The following FCER1A variants were observed in gnomAD, a reference collection of about 807,000 sequenced individuals.
The protein encoded by FCER1A is Fc epsilon receptor Ia.
A neutral mutation model predicts 23.6 loss-of-function variants in FCER1A; 24 were observed. That is an observed-to-expected ratio of 1.02 (90% confidence interval 0.74 to 1.43). FCER1A has a LOEUF of 1.43. Ranked by LOEUF, FCER1A falls within the 40% of genes most tolerant of loss-of-function variation. The probability of loss-of-function intolerance (pLI) is 0.00; values close to 1 mark genes in which losing one functional copy is unlikely to be tolerated. For missense variants in FCER1A, 318 were observed against 294.5 expected, an observed-to-expected ratio of 1.08 and a Z score of -0.58; for synonymous variants, 121 against 108.8, an observed-to-expected ratio of 1.11 and a Z score of -0.70.
rs1427834534 is a variant in FCER1A, at chr1:159,303,942, A to G, written c.91A>G (p.Lys31Glu). The part of the protein sequence containing the change: ...DGVLAVPQKP[K>E]VSLNPPWNRI... ...TCTTCTTGAAGTCCCTCAGAAACCT[A>G]AGGTCTCCTTGAACCCTCCATGGAA... Residue 31 changes from lysine (K) to glutamate (E), a missense_variant, in exon 3 of 5, where the codon AAG (lysine) becomes GAG (glutamate). Transcript: ENST00000693622. 6.2e-7 allele frequency: 1 copy of G among 1,611,992 alleles called. No homozygotes were observed. The highest frequency in any genetic ancestry group is 2.2e-5 in the East Asian group (1 of 44,858).
chr1:159,291,806 C>CA (rs1652159930), intron 1 of FCER1A, among the ~76,000 whole-genome samples: 1 of 152,102 alleles, frequency 6.6e-6, no homozygotes. Flanking sequence ...TTCCTATTCA[C>CA]TTTTTTAGCC....
chr1:159,302,789 A>C (rs1652474514), intron 1 of FCER1A, 65 bp from the exon 2 acceptor site: 1 of 1,462,900 alleles, frequency 6.8e-7, no homozygotes, highest in Non-Finnish European at 9.6e-7. Context: ...CCACACCCAG[A>C]TTCTAGTCCT....
chr1:159,288,178 C>T (rs141259234), upstream of FCER1A, among the ~76,000 whole-genome samples: 5 of 152,264 alleles, frequency 3.3e-5, no homozygotes, highest in African/African-American at 1.2e-4. Context: ...TGGTCTGGTA[C>T]ACTTACTGTT....
At chr1:159,298,280 C>G (rs533084764), upstream of FCER1A, among the ~76,000 whole-genome samples, 42 of 152,140 alleles carry the variant, frequency 2.8e-4, no homozygotes, top group South Asian at 1.2e-3. Flanking sequence ...GTTTTCTCCC[C>G]TCCAAATCTC....
upstream of FCER1A, among the ~76,000 whole-genome samples, chr1:159,299,147 G>A (rs1255313638): frequency 2.0e-5 from 3 of 152,186 alleles, no homozygotes; most frequent in Non-Finnish European, 4.4e-5. Context: ...AAAATAGATA[G>A]GACATGTTGC....
intron 1 of FCER1A, among the ~76,000 whole-genome samples, chr1:159,290,715 A>G (rs1258001063): frequency 6.6e-6 from 1 of 152,202 alleles, no homozygotes; most frequent in Non-Finnish European, 1.5e-5. Context: ...AGTATTAAAT[A>G]GGATAAAGCA....
Position 159,306,135 on chromosome 1 carries a change from A to G in FCER1A, c.479A>G (p.Asn160Ser). Reference protein sequence around the residue: ...EALKYWYENHNISITNATVED... With the variant: ...EALKYWYENHSISITNATVED... ...CTCAAGTACTGGTATGAGAACCACAACATCTCCATTACAAATGCCACAGTT... is the reference window on the plus strand; with the variant it reads ...CTCAAGTACTGGTATGAGAACCACAGCATCTCCATTACAAATGCCACAGTT... The change falls in exon 4 of 5, where the codon AAC becomes AGC. Residue 160 changes from asparagine (N) to serine (S), a missense_variant. Physicochemically the swap from Asn to Ser is conservative, Grantham distance 46. Transcript: ENST00000693622. The G allele has an allele frequency of 6.2e-7, 1 of 1,614,170 alleles. No individual in the cohort carries two copies.
intron 1 of FCER1A, 32 bp downstream of exon 1, chr1:159,302,451 A>C: frequency 1.3e-6 from 2 of 1,498,680 alleles, no homozygotes; most frequent in Non-Finnish European, 9.3e-7. Flanking sequence ...CCTCCCAGGG[A>C]GGCCCAAATG....
upstream of FCER1A, among the ~76,000 whole-genome samples, chr1:159,299,222 A>G (rs571573601): frequency 6.6e-6 from 1 of 152,320 alleles, no homozygotes; most frequent in South Asian, 2.1e-4. Flanking sequence ...AAATATCACG[A>G]GCAGACAGGC....
chr1:159,302,716 C>T lies in FCER1A; in HGVS notation c.56-138C>T, dbSNP rs1208516295. ...GAGGAGAGAAAGAAGCTCTTTCTTC[C>T]CCTGATTCTGATTCCTGAAAAGACG... On this transcript the variant is annotated intron_variant, in intron 1 of 4. Coordinates refer to ENST00000693622, the MANE Select transcript of FCER1A (RefSeq NM_001387280.1). 2.6e-5 allele frequency: 21 copies of T among 815,608 alleles called. No homozygotes were observed. The East Asian group carries it at 4.9e-4, about 19-fold the overall frequency. 50.5% of individuals were successfully genotyped at this position (815,608 alleles called of 1,614,324 possible).
chr1:159,296,516 A>G (rs752713875), intron 1 of FCER1A, among the ~76,000 whole-genome samples: 2 of 152,206 alleles, frequency 1.3e-5, no homozygotes, highest in Non-Finnish European at 2.9e-5. Flanking sequence ...AGCCAAGGAT[A>G]ATCTTTCCTC....
At chr1:159,303,154 A>G (rs940814014) in intron 2 of FCER1A, among the ~76,000 whole-genome samples, 5 of 152,124 alleles carry the variant, frequency 3.3e-5, no homozygotes, top group Non-Finnish European at 4.4e-5. Context: ...ATCTCGCTCA[A>G]TAATTACATT....
upstream of FCER1A, among the ~76,000 whole-genome samples, chr1:159,298,348 A>T (rs563749465): frequency 6.6e-6 from 1 of 152,184 alleles, no homozygotes; most frequent in Non-Finnish European, 1.5e-5. Flanking sequence ...TGTTTGGGTC[A>T]TGGAGGCAGA....
intron 4 of FCER1A, among the ~76,000 whole-genome samples, chr1:159,307,353 A>T (rs1291165346): frequency 6.6e-6 from 1 of 152,236 alleles, no homozygotes; most frequent in East Asian, 1.9e-4. Context: ...TTTGCCTAAC[A>T]GGCATGTAAG....
chr1:159,286,549 G>A (rs981035068), upstream of FCER1A, among the ~76,000 whole-genome samples: 1 of 152,080 alleles, frequency 6.6e-6, no homozygotes, highest in Non-Finnish European at 1.5e-5. Context: ...AGCCAGGATG[G>A]TCTCGATCTC....
intron 3 of FCER1A, among the ~76,000 whole-genome samples, chr1:159,304,555 T>G (rs1652542085): frequency 6.6e-6 from 1 of 152,076 alleles, no homozygotes; most frequent in African/African-American, 2.4e-5. Context: ...TGCAGTGAGC[T>G]GAGATCACGC....
chr1:159,297,173 C>T (rs1050500393), intron 1 of FCER1A, among the ~76,000 whole-genome samples: 2 of 152,136 alleles, frequency 1.3e-5, no homozygotes, highest in Admixed American at 1.3e-4. Flanking sequence ...ATGGGGATTT[C>T]TCTGTCTCGT....
chr1:159,286,004 G>A (rs2494263), upstream of FCER1A, among the ~76,000 whole-genome samples: 119,520 of 151,974 alleles, frequency 0.79, 47,770 homozygotes, highest in African/African-American at 0.93. Context: ...GGACAAACCA[G>A]CATGGTGAAA....
chr1:159,286,432 A>C (rs1332237300), upstream of FCER1A, among the ~76,000 whole-genome samples: 1 of 151,566 alleles, frequency 6.6e-6, no homozygotes, highest in African/African-American at 2.4e-5. Flanking sequence ...TCCCGGGTTC[A>C]TGCCATTCTC....
Sources: gnomAD v4.1 joint callset for allele counts (sites outside exome capture counted in the v4.1 genomes callset) on GRCh38, gnomAD v4.1.1 for gene constraint, MANE v1.5 for transcripts, NCBI Gene and HGNC (gene_info 2026-07-23, HGNC 2026-07-21) for gene names.